Variants in EIPR1 observed in about 807,000 individuals in gnomAD.
EIPR1 encodes the protein EARP and GARP complex-interacting protein 1.
In EIPR1, 25 loss-of-function variants were observed where a neutral mutation model predicts 48.1. The ratio of observed to expected loss-of-function variants is 0.52; its 90% CI spans 0.38 to 0.73. The LOEUF is 0.73. Ranked by LOEUF, EIPR1 falls within the 30% of genes least tolerant of loss-of-function variation. The pLI, the probability that EIPR1 is intolerant of heterozygous loss-of-function variation, is 0.00. For missense variants in EIPR1, 415 were observed against 506.2 expected (o/e 0.82, Z 1.73); for synonymous variants, 204 against 201.9 (o/e 1.01, Z -0.09).
At chr2:3,291,188 C>T (rs1465875874) in intron 3 of EIPR1, among the ~76,000 whole-genome samples, 1 of 152,210 alleles carries the variant, frequency 6.6e-6, no homozygotes, top group Admixed American at 6.5e-5. Flanking sequence ...TACAGGCACA[C>T]CCAGCATCAC....
At chr2:3,317,374 G>T (rs1196128405) in intron 3 of EIPR1, among the ~76,000 whole-genome samples, 1 of 151,700 alleles carries the variant, frequency 6.6e-6, no homozygotes, top group Non-Finnish European at 1.5e-5. Context: ...AGCGCACAAG[G>T]TGCTGACCGA....
At chr2:3,295,011 C>A (rs1668505253) in intron 3 of EIPR1, among the ~76,000 whole-genome samples, 1 of 112,668 alleles carries the variant, frequency 8.9e-6, no homozygotes, top group Non-Finnish European at 1.8e-5. Context: ...ACCCTCCATC[C>A]AGCCCATACT....
intron 3 of EIPR1, chr2:3,282,889 T>TGCACAGA (rs1668058181): frequency 6.6e-6 from 1 of 152,204 alleles, no homozygotes; most frequent in Non-Finnish European, 1.5e-5. Flanking sequence ...CCAAACAAAA[T>TGCACAGA]GCACAGAGTA....
intron 4 of EIPR1, among the ~76,000 whole-genome samples, chr2:3,220,970 CATGGTACACTCTAGAACACTCACA>C: frequency 1.1e-5 from 1 of 94,710 alleles, no homozygotes; most frequent in Non-Finnish European, 2.2e-5. Flanking sequence ...ACACGATGAC[CATGGTACACTCTAGAACACTCACA>C]GTGAGTCAGG....
At chr2:3,263,728 G>C (rs1002729736) in intron 3 of EIPR1, among the ~76,000 whole-genome samples, 1 of 152,186 alleles carries the variant, frequency 6.6e-6, no homozygotes, top group Non-Finnish European at 1.5e-5. Flanking sequence ...GACGCGGCAC[G>C]GTGCCGGACC....
At chr2:3,299,620 T>TCACACACACACACACA (rs1327026136) in intron 3 of EIPR1, among the ~76,000 whole-genome samples, 4 of 121,332 alleles carry the variant, frequency 3.3e-5, no homozygotes, top group African/African-American at 1.2e-4. Context: ...TCTCTCTCTC[T>TCACACACACACACACA]CTCTCACACA....
At chr2:3,261,059 G>C (rs1667319694) in intron 3 of EIPR1, among the ~76,000 whole-genome samples, 1 of 152,180 alleles carries the variant, frequency 6.6e-6, no homozygotes, top group East Asian at 1.9e-4. Context: ...GCTTTGTCCA[G>C]CTTTCTGACT....
intron 2 of EIPR1, among the ~76,000 whole-genome samples, chr2:3,340,100 C>T (rs1250489629): frequency 6.6e-6 from 1 of 152,244 alleles, no homozygotes; most frequent in Non-Finnish European, 1.5e-5. Flanking sequence ...TCCTGAACAG[C>T]TCCAGAAATG....
intron 1 of EIPR1, among the ~76,000 whole-genome samples, chr2:3,373,992 C>T (rs1188089021): frequency 6.8e-6 from 1 of 147,222 alleles, no homozygotes; most frequent in East Asian, 2.0e-4. Context: ...TACAAGGCTA[C>T]AGTAACCAAA....
rs142597021 is a variant in EIPR1 at position 3,296,415 on chromosome 2, C to T, written c.260-38960G>A. 7.9e-3 allele frequency among the ~76,000 whole-genome samples: 1,072 copies of T among 134,924 alleles called. 13 individuals carry two copies. The highest frequency in any genetic ancestry group is 0.012 in the Non-Finnish European group (776 of 62,834). The allele number at this position is 134,924 out of a possible 152,430, so 88.5% of individuals were successfully genotyped here. On this transcript the variant is annotated intron_variant, in intron 3 of 8. Transcript: ENST00000382125. ...ACACACACACCCTCCATCCAGCTCA[C>T]CCCCTCTGCAAACACACACCCTCCA...
intron 4 of EIPR1, among the ~76,000 whole-genome samples, chr2:3,219,022 G>A (rs1443791298): frequency 4.1e-5 from 5 of 122,050 alleles, no homozygotes; most frequent in South Asian, 2.9e-4. Flanking sequence ...CACGACCCTG[G>A]TATACTCTAG....
chr2:3,234,634 C>T (rs1666342710), intron 4 of EIPR1, among the ~76,000 whole-genome samples: 1 of 152,252 alleles, frequency 6.6e-6, no homozygotes, highest in African/African-American at 2.4e-5. Context: ...TGTTGGGGTC[C>T]CCTGCAGCCC....
intron 1 of EIPR1, among the ~76,000 whole-genome samples, chr2:3,364,942 C>T (rs543762450): frequency 1.3e-5 from 2 of 152,110 alleles, no homozygotes. Flanking sequence ...CAGTTTACAA[C>T]AGTCTATCGT....
At chr2:3,320,282 T>G in intron 3 of EIPR1, 1 of 153,646 alleles carries the variant, frequency 6.5e-6, no homozygotes, top group Non-Finnish European at 1.4e-5. Context: ...GACAACACTA[T>G]ACCTGCGGAT....
chr2:3,268,835 C>T (rs969644766), intron 3 of EIPR1, among the ~76,000 whole-genome samples: 1 of 152,174 alleles, frequency 6.6e-6, no homozygotes, highest in Non-Finnish European at 1.5e-5. Context: ...TTCACCAACA[C>T]GAGGCCGACT....
chr2:3,213,020 C>T (rs1270817264), intron 5 of EIPR1, among the ~76,000 whole-genome samples: 1 of 152,160 alleles, frequency 6.6e-6, no homozygotes, highest in East Asian at 1.9e-4. Flanking sequence ...ATTATTCATA[C>T]CACCTCGTCA....
chr2:3,292,582 G>C (rs1668403357), intron 3 of EIPR1, among the ~76,000 whole-genome samples: 1 of 152,174 alleles, frequency 6.6e-6, no homozygotes, highest in Non-Finnish European at 1.5e-5. Flanking sequence ...ATGAGTCTAA[G>C]CCTAAGAGAC....
In EIPR1 at chr2:3,286,859, G is replaced by T. The variant is rs1668200902; in HGVS notation, c.260-29404C>A. On this transcript the variant is annotated intron_variant, in intron 3 of 8. Coordinates refer to ENST00000382125, the MANE Select transcript of EIPR1 (RefSeq NM_003310.5). The surrounding 1 kb of genome is among the most constrained non-coding windows in gnomAD (Gnocchi z 4.2). The stretch of plus-strand genomic sequence containing the variant: ...AGAGTGCCAGCCGGCAGAGGGGGCT[G>T]TGGGGAGCACACAGAGTGCCAGCCA... 6.6e-6 allele frequency among the ~76,000 whole-genome samples: 1 copy of T among 151,744 alleles called. No homozygotes were observed. The highest frequency in any genetic ancestry group is 1.5e-5 in the Non-Finnish European group (1 of 68,002).
intron 3 of EIPR1, among the ~76,000 whole-genome samples, chr2:3,262,712 A>G (rs770753513): frequency 1.3e-5 from 2 of 152,158 alleles, no homozygotes; most frequent in African/African-American, 2.4e-5. Context: ...GGGGTTCTGG[A>G]GCAAGCCATG....
Sources: allele counts gnomAD v4.1 joint callset (sites outside exome capture counted in the v4.1 genomes callset), GRCh38; gene constraint gnomAD v4.1.1; non-coding constraint Gnocchi (gnomAD v3.1); transcripts MANE v1.5; gene names NCBI Gene and HGNC (gene_info 2026-07-23, HGNC 2026-07-21).